The following LRP1B variants were observed in gnomAD, a reference collection of about 807,000 sequenced individuals.
LRP1B encodes LDL receptor related protein 1B.
LRP1B carries 217 observed loss-of-function variants against 556.6 expected under a neutral mutation model. The observed-to-expected ratio is 0.39, with a 90% confidence interval of 0.35 to 0.44. The LOEUF (loss-of-function observed/expected upper bound fraction) is 0.44, where lower values mean the gene tolerates loss of function less well. Ranked by LOEUF, LRP1B falls within the 20% of genes least tolerant of loss-of-function variation. LRP1B has a pLI of 1.00. For missense variants in LRP1B, 5,053 were observed against 5,620.8 expected, an observed-to-expected ratio of 0.90 and a Z score of 3.23; for synonymous variants, 2,047 against 1,865.8, an observed-to-expected ratio of 1.10 and a Z score of -2.50.
chr2:140,370,698 A>C lies in LRP1B; in HGVS notation c.11008+12T>G, dbSNP rs200795546. 2.1e-5 allele frequency: 34 copies of C among 1,611,962 alleles called. No homozygotes were observed. The African/African-American group carries it at 2.9e-4, about 14-fold the overall frequency. ...TCTCATTTACAGGCACACACACACAAAAATACCTTACCTCTTTCACAGTTC... is the reference window on the plus strand; with the variant it reads ...TCTCATTTACAGGCACACACACACACAAATACCTTACCTCTTTCACAGTTC... On this transcript the variant is annotated intron_variant, in intron 71 of 90. Transcript: ENST00000389484.
At chr2:140,573,352 A>C (rs1681401852) in intron 43 of LRP1B, among the ~76,000 whole-genome samples, 2 of 151,968 alleles carry the variant, frequency 1.3e-5, no homozygotes, top group African/African-American at 4.8e-5. Flanking sequence ...ATAAAGGATC[A>C]GATTTAGTGT....
At chr2:141,414,311 AAAAG>A (rs1014444516) in intron 3 of LRP1B, among the ~76,000 whole-genome samples, 2 of 150,008 alleles carry the variant, frequency 1.3e-5, no homozygotes, top group African/African-American at 4.9e-5. Flanking sequence ...AAGAAAAGAA[AAAAG>A]AAAGAGATAA....
At chr2:141,931,276 C>T (rs986388495) in intron 1 of LRP1B, among the ~76,000 whole-genome samples, 4 of 151,934 alleles carry the variant, frequency 2.6e-5, no homozygotes, top group African/African-American at 7.3e-5. Flanking sequence ...AGATACACAT[C>T]GTAGGGTGTA....
intron 18 of LRP1B, among the ~76,000 whole-genome samples, chr2:140,960,868 G>T (rs1314658091): frequency 1.3e-5 from 2 of 151,776 alleles, no homozygotes; most frequent in African/African-American, 4.8e-5. Flanking sequence ...GAAAATCATT[G>T]TAAATTATTT....
chr2:140,618,370 C>A (rs995934527), intron 41 of LRP1B, among the ~76,000 whole-genome samples: 8 of 151,820 alleles, frequency 5.3e-5, no homozygotes, highest in Non-Finnish European at 1.2e-4. Context: ...GATGTAAAAA[C>A]CAATTTTTAA....
At chr2:142,027,247 T>A (rs558321782) in intron 1 of LRP1B, among the ~76,000 whole-genome samples, 8 of 151,964 alleles carry the variant, frequency 5.3e-5, no homozygotes, top group South Asian at 2.1e-4. Flanking sequence ...ACCAACAGAC[T>A]GTCTAGTCTA....
At chr2:140,478,785 G>T (rs888029942) in intron 59 of LRP1B, among the ~76,000 whole-genome samples, 2 of 151,942 alleles carry the variant, frequency 1.3e-5, no homozygotes, top group Non-Finnish European at 2.9e-5. Context: ...TTCTCACAGG[G>T]TCACTGTGAG....
chr2:141,903,677 C>T (rs1699683118), intron 1 of LRP1B, among the ~76,000 whole-genome samples: 1 of 151,896 alleles, frequency 6.6e-6, no homozygotes, highest in Admixed American at 6.6e-5. Context: ...CTAGGCAGTA[C>T]ACTAGGCATT....
At chr2:140,261,415 G>T (rs1681931257) in intron 86 of LRP1B, among the ~76,000 whole-genome samples, 1 of 151,736 alleles carries the variant, frequency 6.6e-6, no homozygotes, top group African/African-American at 2.4e-5. Flanking sequence ...TATAACATTG[G>T]ATATAATATT....
At chr2:141,788,931 T>G (rs938627265) in intron 2 of LRP1B, among the ~76,000 whole-genome samples, 1 of 152,104 alleles carries the variant, frequency 6.6e-6, no homozygotes, top group Admixed American at 6.6e-5. Flanking sequence ...CTTAATCCAG[T>G]CTATCATTGT....
At chr2:141,607,140 C>G (rs1048625829) in intron 2 of LRP1B, among the ~76,000 whole-genome samples, 3 of 119,642 alleles carry the variant, frequency 2.5e-5, no homozygotes, top group Admixed American at 1.0e-4. Context: ...TGAATTTTAA[C>G]TACACATTAC....
At chr2:140,296,998 A>C (rs1368762796) in intron 84 of LRP1B, among the ~76,000 whole-genome samples, 2 of 152,160 alleles carry the variant, frequency 1.3e-5, no homozygotes, top group Non-Finnish European at 2.9e-5. Context: ...TTCCAGAAAG[A>C]ACTTGGCAGA....
At chr2:141,987,302 T>C (rs1702220465) in intron 1 of LRP1B, among the ~76,000 whole-genome samples, 1 of 152,028 alleles carries the variant, frequency 6.6e-6, no homozygotes, top group Admixed American at 6.6e-5. Context: ...TTTAAAAAAA[T>C]ACTCAATTAC....
intron 2 of LRP1B, among the ~76,000 whole-genome samples, chr2:141,519,645 C>G (rs1197041761): frequency 6.6e-6 from 1 of 151,832 alleles, no homozygotes; most frequent in Non-Finnish European, 1.5e-5. Flanking sequence ...GATATATTCT[C>G]CACATGCTGG....
In LRP1B at chr2:142,056,724, C is replaced by T. The variant is rs550070221; in HGVS notation, c.82+73924G>A. Among the ~76,000 whole-genome samples the T allele has an allele frequency of 4.3e-4, 64 of 147,918 alleles. 1 individual carries two copies. Among genetic ancestry groups the T allele is most frequent in the Middle Eastern group, 6.8e-3 (2 of 292 alleles). On this transcript the variant is annotated intron_variant, in intron 1 of 90. Coordinates refer to ENST00000389484, the MANE Select transcript of LRP1B (RefSeq NM_018557.3). Reference sequence around the variant, plus strand: ...ATAGTCTTAGGGCCCATTCAGTGGGCAAAATGCATGAGATTATTATAATCA... The same window carrying T: ...ATAGTCTTAGGGCCCATTCAGTGGGTAAAATGCATGAGATTATTATAATCA...
intron 11 of LRP1B, among the ~76,000 whole-genome samples, chr2:141,048,179 T>C (rs1698933312): frequency 6.6e-6 from 1 of 152,128 alleles, no homozygotes; most frequent in Non-Finnish European, 1.5e-5. Context: ...CCTCAAATTA[T>C]GTATTTCTAA....
intron 1 of LRP1B, among the ~76,000 whole-genome samples, chr2:142,060,729 T>G (rs1704875151): frequency 6.6e-6 from 1 of 152,078 alleles, no homozygotes; most frequent in South Asian, 2.1e-4. Flanking sequence ...AAGACAATCA[T>G]TGTCCCTCTG....
chr2:140,716,617 T>G (rs932975425), intron 36 of LRP1B, 65 bp downstream of exon 36: 19 of 1,469,640 alleles, frequency 1.3e-5, no homozygotes, highest in Non-Finnish European at 1.6e-5. Flanking sequence ...AGATTTTTTA[T>G]GAAGCAGTTT....
intron 1 of LRP1B, among the ~76,000 whole-genome samples, chr2:142,014,538 G>T (rs757281329): frequency 1.7e-4 from 26 of 152,130 alleles, no homozygotes; most frequent in Non-Finnish European, 3.2e-4. Context: ...AGAAACTGTT[G>T]TCAGAAACAG....
Sources: gnomAD v4.1 joint callset for allele counts (sites outside exome capture counted in the v4.1 genomes callset) on GRCh38, gnomAD v4.1.1 for gene constraint, MANE v1.5 for transcripts, NCBI Gene and HGNC (gene_info 2026-07-23, HGNC 2026-07-21) for gene names.